Variants in CPNE4 observed in about 807,000 individuals in gnomAD.
The protein encoded by CPNE4 is copine 4.
Under a neutral mutation model 67.9 loss-of-function variants are expected in CPNE4, and 25 were observed. The ratio of observed to expected loss-of-function variants is 0.37; its 90% CI spans 0.27 to 0.51. The LOEUF (loss-of-function observed/expected upper bound fraction) is 0.51. CPNE4 is among the 20% of genes least tolerant of loss of function. The pLI is 0.93. For missense variants in CPNE4, 464 were observed against 690.8 expected (o/e 0.67, Z 3.68); for synonymous variants, 242 against 244.9 (o/e 0.99, Z 0.11).
intron 2 of CPNE4, among the ~76,000 whole-genome samples, chr3:131,839,477 G>A (rs1387513884): frequency 1.3e-5 from 2 of 151,194 alleles, no homozygotes; most frequent in Non-Finnish European, 3.0e-5. Flanking sequence ...TATATATTTA[G>A]TTAATAGTGT....
intron 7 of CPNE4, among the ~76,000 whole-genome samples, chr3:131,637,907 C>T (rs1467214305): frequency 6.6e-6 from 1 of 152,118 alleles, no homozygotes; most frequent in East Asian, 1.9e-4. Context: ...AAAAAATTAT[C>T]AGCCAAAATT....
chr3:131,619,603 T>G (rs1245907314), intron 7 of CPNE4, among the ~76,000 whole-genome samples: 1 of 152,184 alleles, frequency 6.6e-6, no homozygotes, highest in Non-Finnish European at 1.5e-5. Context: ...GTTCATTGGC[T>G]TGAAAAATGT....
chr3:132,023,073 A>C (rs2074031726), intron 1 of CPNE4, among the ~76,000 whole-genome samples: 1 of 152,248 alleles, frequency 6.6e-6, no homozygotes, highest in African/African-American at 2.4e-5. Flanking sequence ...ACACCAAGAT[A>C]AAATATCTAT....
At chr3:132,029,909 A>G (rs1404394555) in intron 1 of CPNE4, among the ~76,000 whole-genome samples, 1 of 152,228 alleles carries the variant, frequency 6.6e-6, no homozygotes, top group Non-Finnish European at 1.5e-5. Context: ...TACTTTATTG[A>G]CTCAATTGTG....
At chr3:131,783,533 C>T (rs1240595522) in intron 2 of CPNE4, among the ~76,000 whole-genome samples, 4 of 152,058 alleles carry the variant, frequency 2.6e-5, no homozygotes, top group Admixed American at 2.0e-4. Flanking sequence ...CAGCACAGAA[C>T]TGGCAATGAT....
chr3:131,736,220 C>G (rs1001005522), intron 2 of CPNE4, among the ~76,000 whole-genome samples: 3 of 152,212 alleles, frequency 2.0e-5, no homozygotes, highest in African/African-American at 7.2e-5. Context: ...CTGGCATCCA[C>G]TCCTTCTGCC....
At chr3:131,837,042 T>C (rs1245065215) in intron 2 of CPNE4, among the ~76,000 whole-genome samples, 1 of 152,164 alleles carries the variant, frequency 6.6e-6, no homozygotes, top group African/African-American at 2.4e-5. Flanking sequence ...ACACATCTAT[T>C]AGCATTGCTA....
At chr3:131,885,786 C>T (rs553093874) in intron 2 of CPNE4, among the ~76,000 whole-genome samples, 8 of 151,964 alleles carry the variant, frequency 5.3e-5, no homozygotes, top group South Asian at 4.2e-4. Context: ...TGAGAATATG[C>T]GGTGTTTGGT....
intron 2 of CPNE4, among the ~76,000 whole-genome samples, chr3:131,903,411 G>A (rs1273768901): frequency 4.1e-5 from 6 of 148,058 alleles, no homozygotes; most frequent in Non-Finnish European, 6.0e-5. Flanking sequence ...TGCAAAAAAG[G>A]AAAAAAAAAA....
At chr3:131,698,563 T>C (rs2081215394) in intron 4 of CPNE4, among the ~76,000 whole-genome samples, 1 of 150,274 alleles carries the variant, frequency 6.7e-6, no homozygotes, top group Non-Finnish European at 1.5e-5. Context: ...CTTGTGAGAA[T>C]GGCCACAACT....
At chr3:132,002,703 A>AAAAAC (rs1179134396) in intron 1 of CPNE4, among the ~76,000 whole-genome samples, 1 of 150,506 alleles carries the variant, frequency 6.6e-6, no homozygotes, top group African/African-American at 2.5e-5. Flanking sequence ...TCTTGGTATA[A>AAAAAC]AAAGCAAAAA....
At chr3:131,805,835 G>A (rs1225288263) in intron 2 of CPNE4, among the ~76,000 whole-genome samples, 1 of 152,120 alleles carries the variant, frequency 6.6e-6, no homozygotes, top group Non-Finnish European at 1.5e-5. Flanking sequence ...CAGTCACAAA[G>A]ATATGCCCAA....
chr3:131,650,331 T>G (rs77755780), intron 7 of CPNE4, among the ~76,000 whole-genome samples: 14,280 of 152,092 alleles, frequency 0.094, 727 homozygotes, highest in African/African-American at 0.097. Context: ...GGAGAGGGAA[T>G]TACACAAAAA....
intron 1 of CPNE4, among the ~76,000 whole-genome samples, chr3:132,006,867 T>C (rs1201206593): frequency 6.6e-6 from 1 of 152,166 alleles, no homozygotes; most frequent in Non-Finnish European, 1.5e-5. Flanking sequence ...CCTGATACTG[T>C]ATTATCTCAT....
chr3:131,733,858 A>G (rs1248249885), intron 2 of CPNE4, among the ~76,000 whole-genome samples: 1 of 152,154 alleles, frequency 6.6e-6, no homozygotes, highest in Non-Finnish European at 1.5e-5. Context: ...TTATTAATTG[A>G]TGTTTAAAAA....
At chr3:131,544,724 A>G (rs561076437) in intron 14 of CPNE4, among the ~76,000 whole-genome samples, 5 of 152,258 alleles carry the variant, frequency 3.3e-5, no homozygotes, top group Admixed American at 6.5e-5. Flanking sequence ...AGTATAGGAC[A>G]TACCAGAATC....
At chr3:131,906,507 G>T (rs1289161814) in intron 1 of CPNE4, among the ~76,000 whole-genome samples, 1 of 149,030 alleles carries the variant, frequency 6.7e-6, no homozygotes, top group Non-Finnish European at 1.5e-5. Flanking sequence ...GCGGTGTTTG[G>T]TTTTTTGTTC....
At chr3:131,872,904 G>C (rs934412324) in intron 2 of CPNE4, among the ~76,000 whole-genome samples, 3 of 152,292 alleles carry the variant, frequency 2.0e-5, no homozygotes, top group African/African-American at 7.2e-5. Flanking sequence ...TTCTAGCAAA[G>C]ACTCCAGATA....
intron 7 of CPNE4, among the ~76,000 whole-genome samples, chr3:131,594,551 TG>T (rs1938730037): frequency 6.6e-6 from 1 of 152,084 alleles, no homozygotes. Flanking sequence ...CAGCTCAAAA[TG>T]GATTAAAGAC....
Sources: gnomAD v4.1 joint callset for allele counts (sites outside exome capture counted in the v4.1 genomes callset) on GRCh38, gnomAD v4.1.1 for gene constraint, MANE v1.5 for transcripts, NCBI Gene and HGNC (gene_info 2026-07-23, HGNC 2026-07-21) for gene names.